The following NLGN1 variants were observed in gnomAD, a reference collection of about 807,000 sequenced individuals.
NLGN1 encodes the protein neuroligin-1.
NLGN1 carries 12 observed loss-of-function variants against 65.5 expected under a neutral mutation model. The ratio of observed to expected loss-of-function variants is 0.18; its 90% CI spans 0.12 to 0.30. The LOEUF (loss-of-function observed/expected upper bound fraction) is 0.30. Among genes scored for constraint, NLGN1 ranks in the 10% least tolerant of loss-of-function variants. NLGN1 has a pLI of 1.00. For synonymous variants in NLGN1, 350 were observed against 359.5 expected (o/e 0.97, Z 0.30); for missense variants, 750 against 1,007.1 (o/e 0.74, Z 3.46).
intron 2 of NLGN1, among the ~76,000 whole-genome samples, chr3:173,483,199 C>T (rs1388463733): frequency 6.6e-6 from 1 of 151,940 alleles, no homozygotes; most frequent in Admixed American, 6.6e-5. Context: ...AAAACAGATT[C>T]TAAACTTCCA....
intron 4 of NLGN1, chr3:173,920,722 A>C (rs1741824783): frequency 2.0e-5 from 3 of 152,124 alleles, no homozygotes; most frequent in African/African-American, 4.8e-5. Context: ...AGGAGAAAAG[A>C]TTGGTGAATA....
chr3:173,701,406 C>CA (rs1376364774), intron 3 of NLGN1, among the ~76,000 whole-genome samples: 1 of 151,902 alleles, frequency 6.6e-6, no homozygotes, highest in Non-Finnish European at 1.5e-5. Context: ...AAGCAAAACT[C>CA]AGAGTAATGA....
At chr3:174,223,046 G>A (rs370160312) in intron 4 of NLGN1, among the ~76,000 whole-genome samples, 3 of 152,128 alleles carry the variant, frequency 2.0e-5, no homozygotes, top group African/African-American at 7.2e-5. Context: ...CACCAGAGAG[G>A]AGGTCAGACA....
chr3:173,522,872 T>G (rs1005034176), intron 2 of NLGN1, among the ~76,000 whole-genome samples: 1 of 152,110 alleles, frequency 6.6e-6, no homozygotes, highest in Non-Finnish European at 1.5e-5. Flanking sequence ...TTTAACTATA[T>G]TTACATTCTC....
At chr3:173,538,235 C>A (rs182299604) in intron 2 of NLGN1, among the ~76,000 whole-genome samples, 1 of 152,278 alleles carries the variant, frequency 6.6e-6, no homozygotes, top group Non-Finnish European at 1.5e-5. Context: ...TGCCCCATCC[C>A]TGCAAGGTAT....
chr3:173,510,739 C>G (rs1230891663), intron 2 of NLGN1, among the ~76,000 whole-genome samples: 4 of 152,156 alleles, frequency 2.6e-5, no homozygotes, highest in African/African-American at 7.2e-5. Flanking sequence ...ATCTTGTTCA[C>G]TAGTCTGACA....
chr3:174,039,714 A>T (rs758384402), intron 4 of NLGN1, among the ~76,000 whole-genome samples: 1 of 152,148 alleles, frequency 6.6e-6, no homozygotes. Context: ...AGTGATTTCC[A>T]GGGCCAAAGA....
At chr3:173,696,303 C>G (rs1028446642) in intron 3 of NLGN1, among the ~76,000 whole-genome samples, 1 of 152,158 alleles carries the variant, frequency 6.6e-6, no homozygotes, top group Non-Finnish European at 1.5e-5. Flanking sequence ...CTTGTCTTGG[C>G]TTCTTGACTC....
intron 4 of NLGN1, among the ~76,000 whole-genome samples, chr3:174,165,021 C>T (rs1727244625): frequency 6.6e-6 from 1 of 151,950 alleles, no homozygotes; most frequent in Non-Finnish European, 1.5e-5. Context: ...CTTTAAAATT[C>T]TCATTGTAGA....
chr3:173,435,119 GT>G (rs1717874185), intron 2 of NLGN1: 1 of 152,602 alleles, frequency 6.6e-6, no homozygotes, highest in African/African-American at 2.4e-5. Context: ...TCACTGAAGT[GT>G]TAGAAAAGTA....
At chr3:174,255,369 G>A (rs1745497679) in intron 4 of NLGN1, among the ~76,000 whole-genome samples, 1 of 142,346 alleles carries the variant, frequency 7.0e-6, no homozygotes, top group African/African-American at 2.7e-5. Flanking sequence ...CTGGGAGGCG[G>A]AGCTTGCAGT....
chr3:174,236,919 TA>T (rs1425262932), intron 4 of NLGN1, among the ~76,000 whole-genome samples: 1 of 152,118 alleles, frequency 6.6e-6, no homozygotes, highest in Non-Finnish European at 1.5e-5. Flanking sequence ...TAAGTACATC[TA>T]TATACACTCT....
At chr3:173,491,026 C>G in intron 2 of NLGN1, among the ~76,000 whole-genome samples, 1 of 151,848 alleles carries the variant, frequency 6.6e-6, no homozygotes, top group East Asian at 1.9e-4. Flanking sequence ...GATATACAAT[C>G]ATGTCATCTG....
At chr3:173,940,692 T>C (rs1745930748) in intron 4 of NLGN1, among the ~76,000 whole-genome samples, 1 of 152,190 alleles carries the variant, frequency 6.6e-6, no homozygotes, top group South Asian at 2.1e-4. Context: ...TGAGATCTTC[T>C]AATAATCCTA....
At chr3:174,287,304 C>G (rs1369286938), downstream of NLGN1, among the ~76,000 whole-genome samples, 1 of 151,262 alleles carries the variant, frequency 6.6e-6, no homozygotes, top group Non-Finnish European at 1.5e-5. Context: ...AAGAGGACAT[C>G]ATATAATTTC....
In NLGN1 at chr3:173,581,047, A is replaced by G. The variant is rs148785577; in HGVS notation, c.-320-23232A>G. On this transcript the variant is annotated intron_variant, in intron 2 of 6. Coordinates refer to ENST00000457714, the Ensembl canonical transcript of NLGN1. ...TCTGCTTCTTCTCCCTTATCTTTCT[A>G]TTATCAAAGGAAATTAAATTGGCAT... Among the ~76,000 whole-genome samples the G allele has an allele frequency of 9.2e-3, 1,393 of 152,082 alleles. 21 individuals are homozygous for G. The highest frequency in any genetic ancestry group is 0.032 in the African/African-American group (1,313 of 41,534).
intron 4 of NLGN1, among the ~76,000 whole-genome samples, chr3:174,025,491 G>T (rs1459299159): frequency 6.6e-6 from 1 of 151,976 alleles, no homozygotes; most frequent in Non-Finnish European, 1.5e-5. Flanking sequence ...AATATACAAA[G>T]AATGCATTCA....
chr3:173,849,090 A>C (rs1327931282), intron 4 of NLGN1, among the ~76,000 whole-genome samples: 1 of 152,138 alleles, frequency 6.6e-6, no homozygotes, highest in Non-Finnish European at 1.5e-5. Flanking sequence ...CTTGGACTAT[A>C]GATAATTTTT....
intron 2 of NLGN1, among the ~76,000 whole-genome samples, chr3:173,491,129 A>G (rs969435422): frequency 2.0e-5 from 3 of 151,770 alleles, no homozygotes; most frequent in East Asian, 1.9e-4. Flanking sequence ...TTCCAACACT[A>G]TGTTGAATAG....
Sources: allele counts gnomAD v4.1 joint callset (sites outside exome capture counted in the v4.1 genomes callset), GRCh38; gene constraint gnomAD v4.1.1; transcripts MANE v1.5; gene names NCBI Gene and HGNC (gene_info 2026-07-23, HGNC 2026-07-21).